The following SYNE1 variants were observed in gnomAD, a reference collection of about 807,000 sequenced individuals.
SYNE1 encodes nesprin-1.
Under a neutral mutation model 1,111.0 loss-of-function variants are expected in SYNE1, and 616 were observed. The ratio of observed to expected loss-of-function variants is 0.55; its 90% confidence interval spans 0.52 to 0.59. The LOEUF (loss-of-function observed/expected upper bound fraction) is 0.59, where lower values mean the gene tolerates loss of function less well. Among genes scored for constraint, SYNE1 ranks in the 20% least tolerant of loss-of-function variants. The probability of loss-of-function intolerance (pLI) is 0.00; values close to 1 mark genes in which losing one functional copy is unlikely to be tolerated. For synonymous variants in SYNE1, 3,855 were observed against 3,825.8 expected (o/e 1.01, Z -0.28); for missense variants, 10,006 against 10,417.0 (o/e 0.96, Z 1.72).
At chr6:152,301,533 C>A (rs562175468) in intron 92 of SYNE1, among the ~76,000 whole-genome samples, 106 of 152,258 alleles carry the variant, frequency 7.0e-4, no homozygotes, top group African/African-American at 2.5e-3. Flanking sequence ...TTTCCCATCC[C>A]CCAGACAACT....
chr6:152,329,888 C>A lies in SYNE1; in HGVS notation c.14797G>T (p.Glu4933Ter). The A allele has an allele frequency of 1.2e-6, 2 of 1,614,174 alleles. No individual in the cohort carries two copies. The highest frequency in any genetic ancestry group is 1.7e-6 in the Non-Finnish European group (2 of 1,180,036). ...ATGATTCTCAAGCTGGACTGGACCTCTTCCTGATGAATTTGGATTTTTCTG... is the reference window on the plus strand; with the variant it reads ...ATGATTCTCAAGCTGGACTGGACCTATTCCTGATGAATTTGGATTTTTCTG... ...EIRKIQIHQE[E>*]VQSSLRIMNA... The change falls in exon 78 of 146, where the codon GAG becomes TAG. Residue 4933 changes from glutamate to a stop codon, truncating the protein, a stop_gained. Coordinates refer to ENST00000367255, the MANE Select transcript of SYNE1 (RefSeq NM_182961.4). LOFTEE classifies it high-confidence loss of function.
intron 3 of SYNE1, among the ~76,000 whole-genome samples, chr6:152,564,610 C>T (rs1340656276): frequency 1.3e-5 from 2 of 152,124 alleles, no homozygotes; most frequent in African/African-American, 4.8e-5. Context: ...AGCCACCGTG[C>T]CTGGACAGGA....
At position 152,334,074 on chromosome 6, in the gene SYNE1, T is replaced by C. The variant is rs2153982032; in HGVS notation, c.12728A>G (p.His4243Arg). The C allele has an allele frequency of 1.9e-6, 3 of 1,614,206 alleles. No homozygotes were observed. The highest frequency in any genetic ancestry group is 1.1e-5 in the South Asian group (1 of 91,080). Residue 4243 changes from histidine to arginine, a missense_variant, in exon 77 of 146, where the codon CAT becomes CGT. Transcript: ENST00000367255. ...EEDLQRTRDYHDCMNVVEVFL... is the reference protein window; with the variant it reads ...EEDLQRTRDYRDCMNVVEVFL... ...CACTTCAACAACATTCATACAGTCA[T>C]GGTAATCTCTTGTTCTCTGAAGATC...
In SYNE1 at chr6:152,440,567, A is replaced by ATTTTTTT. The variant is rs10700163; in HGVS notation, c.4149+556_4149+562dup. Reference sequence around the variant, plus strand: ...AGTTAAAAAATATTATTGCCTCCAGATTTTTTTTTTTTTTTTTTTGAGATG... The same window carrying ATTTTTTT: ...AGTTAAAAAATATTATTGCCTCCAGATTTTTTTTTTTTTTTTTTTTTTTTTTGAGATG... On this transcript the variant is annotated intron_variant, in intron 32 of 145. Coordinates refer to ENST00000367255, the MANE Select transcript of SYNE1 (RefSeq NM_182961.4). 4.1e-5 allele frequency among the ~76,000 whole-genome samples: 5 copies of ATTTTTTT among 122,700 alleles called. 1 individual carries two copies. The highest frequency in any genetic ancestry group is 1.3e-4 in the African/African-American group (4 of 30,476). 80.5% of individuals were successfully genotyped at this position (122,700 alleles called of 152,430 possible). A position where few individuals can be genotyped will look rare whatever the true frequency, so the allele number is the denominator to read the frequency against.
intron 78 of SYNE1, 109 bp from the exon 79 acceptor site, chr6:152,326,742 TGTGTAA>T (rs2153956209): frequency 3.0e-6 from 3 of 1,008,064 alleles, no homozygotes; most frequent in East Asian, 5.2e-5. Flanking sequence ...TGGGCGTATG[TGTGTAA>T]GTGCATTGAT....
At chr6:152,208,741 C>A (rs2076991522) in intron 124 of SYNE1, among the ~76,000 whole-genome samples, 1 of 152,202 alleles carries the variant, frequency 6.6e-6, no homozygotes, top group African/African-American at 2.4e-5. Context: ...TATTCCCTCA[C>A]AATAAACAGC....
intron 137 of SYNE1, chr6:152,146,024 C>CAAAAAAAAAAAAAAAAA (rs57218606): frequency 4.0e-5 from 2 of 49,664 alleles, no homozygotes; most frequent in African/African-American, 1.6e-4. Context: ...GACTTCGTCT[C>CAAAAAAAAAAAAAAAAA]AAAAAAAAAA....
chr6:152,594,183 G>A (rs2099574611), intron 3 of SYNE1, among the ~76,000 whole-genome samples: 1 of 152,142 alleles, frequency 6.6e-6, no homozygotes, highest in African/African-American at 2.4e-5. Context: ...TGTGGGACAG[G>A]GATCACTGTA....
At position 152,465,417 on chromosome 6, in the gene SYNE1, G is replaced by A. The variant is rs577191787; in HGVS notation, c.1773C>T (p.Thr591=). ...ENVMKFMNET[T]AQWRNLSVEV... is the part of the protein sequence containing the mutation. ...CTACTGAGAGATTCCTCCACTGAGC[G>A]GTGGTTTCATTCATGAATTTCATCA... is the stretch of plus-strand genomic sequence containing the variant. Residue 591 remains threonine, a synonymous_variant, in exon 18 of 146, where the codon ACC becomes ACT. Coordinates refer to ENST00000367255, the MANE Select transcript of SYNE1 (RefSeq NM_182961.4). The A allele has an allele frequency of 1.1e-5, 18 of 1,613,544 alleles. No homozygotes were observed. Among genetic ancestry groups the A allele is most frequent in the South Asian group, 7.7e-5 (7 of 91,072 alleles).
chr6:152,326,256 C>T (rs770382344), intron 79 of SYNE1, 40 bp downstream of exon 79: 2 of 1,613,022 alleles, frequency 1.2e-6, no homozygotes, highest in African/African-American at 2.7e-5. Flanking sequence ...TGTGGAAATT[C>T]ATTTCACTAA....
At chr6:152,425,266 A>G in intron 39 of SYNE1, 115 bp downstream of exon 39, 1 of 1,108,738 alleles carries the variant, frequency 9.0e-7, no homozygotes, top group Non-Finnish European at 1.3e-6. Flanking sequence ...TTCTGTAGTT[A>G]TCAGGTGAGT....
At chr6:152,304,604 G>A (rs1236033861) in intron 91 of SYNE1, among the ~76,000 whole-genome samples, 4 of 152,068 alleles carry the variant, frequency 2.6e-5, no homozygotes, top group Non-Finnish European at 4.4e-5. Flanking sequence ...GATTACAGGC[G>A]TGAGCCACCA....
chr6:152,406,277 T>C (rs571690121), intron 45 of SYNE1, among the ~76,000 whole-genome samples: 11 of 152,132 alleles, frequency 7.2e-5, no homozygotes, highest in Non-Finnish European at 1.5e-4. Context: ...CTACCTGGCA[T>C]AATAAGAGCA....
At chr6:152,167,930 T>C in intron 130 of SYNE1, 1 of 770,706 alleles carries the variant, frequency 1.3e-6, no homozygotes. Flanking sequence ...CCAGTAGAGG[T>C]ACTAGAAAAC....
chr6:152,554,965 T>C (rs1016366343), intron 3 of SYNE1, among the ~76,000 whole-genome samples: 1 of 152,200 alleles, frequency 6.6e-6, no homozygotes, highest in African/African-American at 2.4e-5. Flanking sequence ...TCACTTTCTT[T>C]TGTCTTTAAC....
intron 3 of SYNE1, among the ~76,000 whole-genome samples, chr6:152,620,219 A>G (rs1373239781): frequency 1.3e-5 from 2 of 151,864 alleles, no homozygotes; most frequent in African/African-American, 2.4e-5. Flanking sequence ...TTTTCTTCCT[A>G]CCACACAGGC....
intron 24 of SYNE1, among the ~76,000 whole-genome samples, 191 bp from the exon 25 acceptor site, chr6:152,453,911 T>A (rs2098673165): frequency 6.6e-6 from 1 of 152,244 alleles, no homozygotes; most frequent in Non-Finnish European, 1.5e-5. Flanking sequence ...AGCCATCATA[T>A]CTGAAATTCT....
chr6:152,442,120 C>G lies in SYNE1; in HGVS notation c.3963G>C (p.Leu1321=), dbSNP rs767185526. ...TCTCCCGGCTGCGCTCCAGGCCATC[C>G]AGTGTGCTCTCCAGCTTCCGCAGCT... The part of the protein sequence containing the change: ...HEELRKLEST[L]DGLERSRERQ... Residue 1321 remains leucine, a synonymous_variant, in exon 31 of 146, where the codon CTG becomes CTC. Transcript: ENST00000367255. 6.2e-7 allele frequency: 1 copy of G among 1,614,116 alleles called. No homozygotes were observed. The highest frequency in any genetic ancestry group is 8.5e-7 in the Non-Finnish European group (1 of 1,180,042).
At chr6:152,601,578 T>G (rs536293087) in intron 3 of SYNE1, among the ~76,000 whole-genome samples, 1 of 152,266 alleles carries the variant, frequency 6.6e-6, no homozygotes, top group East Asian at 1.9e-4. Context: ...GGCAGGCTGC[T>G]ATCCTGCTGA....
Sources: gnomAD v4.1 joint callset for allele counts (sites outside exome capture counted in the v4.1 genomes callset) on GRCh38, gnomAD v4.1.1 for gene constraint, MANE v1.5 for transcripts, NCBI Gene and HGNC (gene_info 2026-07-23, HGNC 2026-07-21) for gene names.